SLC24A3: variants seen among roughly 807,000 people sequenced by gnomAD.
SLC24A3 encodes sodium/potassium/calcium exchanger 3.
A neutral mutation model predicts 75.8 loss-of-function variants in SLC24A3; 28 were observed. The ratio of observed to expected loss-of-function variants is 0.37; its 90% CI spans 0.27 to 0.51. The LOEUF (loss-of-function observed/expected upper bound fraction) is 0.51. SLC24A3 is among the 20% of genes least tolerant of loss of function. The probability of loss-of-function intolerance (pLI) is 0.94; values close to 1 mark genes in which losing one functional copy is unlikely to be tolerated. For missense variants in SLC24A3, 663 were observed against 847.8 expected, an observed-to-expected ratio of 0.78 and a Z score of 2.71; for synonymous variants, 372 against 334.1, an observed-to-expected ratio of 1.11 and a Z score of -1.24.
At chr20:19,579,426 T>A (rs919862194) in intron 3 of SLC24A3, among the ~76,000 whole-genome samples, 1 of 152,216 alleles carries the variant, frequency 6.6e-6, no homozygotes, top group Non-Finnish European at 1.5e-5. Flanking sequence ...CATTTATTTA[T>A]TCCCTCATTC....
chr20:19,262,123 G>T (rs1234694944), intron 1 of SLC24A3, among the ~76,000 whole-genome samples: 2 of 152,176 alleles, frequency 1.3e-5, no homozygotes, highest in African/African-American at 2.4e-5. Context: ...AGAGAGAGAG[G>T]CCGGGCGCGG....
At chr20:19,428,433 A>G (rs1265489503) in intron 2 of SLC24A3, among the ~76,000 whole-genome samples, 1 of 152,236 alleles carries the variant, frequency 6.6e-6, no homozygotes, top group Non-Finnish European at 1.5e-5. Flanking sequence ...AGTTCAGGGC[A>G]CTGTCAGCAA....
In SLC24A3 at chr20:19,672,406, CT is replaced by C. The variant is rs535971573; in HGVS notation, c.714-1194del. 3.8e-3 allele frequency among the ~76,000 whole-genome samples: 576 copies of C among 152,234 alleles called. 5 individuals carry two copies. Among genetic ancestry groups the C allele is most frequent in the African/African-American group, 0.013 (531 of 41,526 alleles). ...CTGTCGTGCAGTGGTGTAATCATAG[CT>C]CACTGTAGCCTCCATCTCCTGAGCT... On this transcript the variant is annotated intron_variant, in intron 8 of 16. Transcript: ENST00000328041.
chr20:19,249,156 A>G (rs1388601611), intron 1 of SLC24A3, among the ~76,000 whole-genome samples: 3 of 152,144 alleles, frequency 2.0e-5, no homozygotes, highest in Admixed American at 2.0e-4. Flanking sequence ...TCCAATTTCA[A>G]TTTGTCAATG....
At chr20:19,419,813 G>T (rs931329718) in intron 2 of SLC24A3, among the ~76,000 whole-genome samples, 11 of 148,298 alleles carry the variant, frequency 7.4e-5, no homozygotes, top group African/African-American at 2.8e-4. Context: ...CCATGTCCTC[G>T]ACAGCCAAGT....
intron 2 of SLC24A3, among the ~76,000 whole-genome samples, chr20:19,306,073 G>A (rs1041118016): frequency 2.0e-5 from 3 of 152,044 alleles, no homozygotes; most frequent in East Asian, 1.9e-4. Flanking sequence ...GGACATAAAC[G>A]GACATTTCTC....
chr20:19,711,450 G>A lies in SLC24A3; in HGVS notation c.1720-6078G>A, dbSNP rs567827767. ...CATGCAAACACATGCAGGCAAACGC[G>A]TGCACACACACACATGCACAAATGC... On this transcript the variant is annotated intron_variant, in intron 15 of 16. Coordinates refer to ENST00000328041, the MANE Select transcript of SLC24A3 (RefSeq NM_020689.4). 3.1e-4 allele frequency among the ~76,000 whole-genome samples: 44 copies of A among 143,470 alleles called. No homozygotes were observed. The East Asian group carries it at 5.4e-3, about 18-fold the overall frequency. The allele number at this position is 143,470 out of a possible 152,430, so 94.1% of individuals were successfully genotyped here.
chr20:19,596,199 A>G (rs1480248768), intron 6 of SLC24A3, among the ~76,000 whole-genome samples: 1 of 152,196 alleles, frequency 6.6e-6, no homozygotes, highest in Non-Finnish European at 1.5e-5. Context: ...CAGGGGCATG[A>G]TGGTGGCCGG....
intron 6 of SLC24A3, among the ~76,000 whole-genome samples, chr20:19,644,583 G>A (rs2032113277): frequency 6.6e-6 from 1 of 152,176 alleles, no homozygotes; most frequent in South Asian, 2.1e-4. Flanking sequence ...AATGAATATT[G>A]TGAGCCACTT....
intron 15 of SLC24A3, among the ~76,000 whole-genome samples, chr20:19,702,711 T>C (rs573814204): frequency 7.9e-4 from 120 of 152,150 alleles, no homozygotes; most frequent in African/African-American, 2.5e-3. Flanking sequence ...ATATAATCAA[T>C]AAACAGTTTA....
intron 2 of SLC24A3, among the ~76,000 whole-genome samples, chr20:19,473,478 C>T (rs1987908762): frequency 6.6e-6 from 1 of 152,216 alleles, no homozygotes; most frequent in Admixed American, 6.5e-5. Flanking sequence ...GGGTAACCCG[C>T]CTTGAGCACT....
At chr20:19,583,117 G>A (rs2031242237) in intron 4 of SLC24A3, among the ~76,000 whole-genome samples, 1 of 152,168 alleles carries the variant, frequency 6.6e-6, no homozygotes, top group Non-Finnish European at 1.5e-5. Flanking sequence ...AGGGCTCCTA[G>A]CTGCAGAGCA....
At chr20:19,316,864 A>G (rs1001943898) in intron 2 of SLC24A3, among the ~76,000 whole-genome samples, 8 of 152,200 alleles carry the variant, frequency 5.3e-5, no homozygotes, top group Non-Finnish European at 8.8e-5. Flanking sequence ...TCAGGGGTAC[A>G]TGTGCAGGAT....
chr20:19,358,149 A>G lies in SLC24A3; in HGVS notation c.271+77062A>G, dbSNP rs1161657891. Among the ~76,000 whole-genome samples the G allele has an allele frequency of 2.6e-5, 4 of 152,120 alleles. No individual in the cohort carries two copies. The East Asian group carries it at 7.7e-4, about 29-fold the overall frequency. ...TGCAGTGCCTAAAATTCCAGTCATG[A>G]CAGTTTTGTTTAGTATTTTCCTGTC... is the stretch of plus-strand genomic sequence containing the variant. On this transcript the variant is annotated intron_variant, in intron 2 of 16. Coordinates refer to ENST00000328041, the MANE Select transcript of SLC24A3 (RefSeq NM_020689.4).
intron 2 of SLC24A3, among the ~76,000 whole-genome samples, chr20:19,469,200 G>A (rs1987821761): frequency 6.6e-6 from 1 of 152,114 alleles, no homozygotes; most frequent in African/African-American, 2.4e-5. Context: ...GATGAAGGAT[G>A]TGCATGGGGC....
chr20:19,278,731 A>G (rs1203221539), intron 1 of SLC24A3, among the ~76,000 whole-genome samples: 1 of 152,134 alleles, frequency 6.6e-6, no homozygotes, highest in African/African-American at 2.4e-5. Context: ...GTCTGAAATT[A>G]TTGTTTCTTT....
At chr20:19,542,833 T>C (rs1242209583) in intron 3 of SLC24A3, among the ~76,000 whole-genome samples, 6 of 152,164 alleles carry the variant, frequency 3.9e-5, no homozygotes, top group Admixed American at 3.9e-4. Context: ...CCAGACTTGT[T>C]TGGACATTTA....
chr20:19,227,849 A>T (rs1017679831), intron 1 of SLC24A3, among the ~76,000 whole-genome samples: 1 of 152,142 alleles, frequency 6.6e-6, no homozygotes, highest in Non-Finnish European at 1.5e-5. Flanking sequence ...TCACTCATTT[A>T]TCTTTCCAGA....
chr20:19,469,081 A>G (rs906496961), intron 2 of SLC24A3, among the ~76,000 whole-genome samples: 1 of 152,132 alleles, frequency 6.6e-6, no homozygotes, highest in African/African-American at 2.4e-5. Flanking sequence ...GGCAGAGAGC[A>G]TGATCATTAG....
Sources: gnomAD v4.1 joint callset for allele counts (sites outside exome capture counted in the v4.1 genomes callset) on GRCh38, gnomAD v4.1.1 for gene constraint, MANE v1.5 for transcripts, NCBI Gene and HGNC (gene_info 2026-07-23, HGNC 2026-07-21) for gene names.